Variants in PAK1 observed in about 807,000 individuals in gnomAD.
The protein encoded by PAK1 is p21 (RAC1) activated kinase 1, also known as serine/threonine-protein kinase PAK 1.
In PAK1, 29 loss-of-function variants were observed where a neutral mutation model predicts 67.4. The observed-to-expected ratio is 0.43, with a 90% CI of 0.32 to 0.59. PAK1 has a LOEUF of 0.59. PAK1 is among the 20% of genes least tolerant of loss of function. The pLI, the probability that PAK1 is intolerant of heterozygous loss-of-function variation, is 0.07. For missense variants in PAK1, 337 were observed against 670.7 expected (o/e 0.50, Z 5.50); for synonymous variants, 223 against 237.4 (o/e 0.94, Z 0.56).
rs1412401214 is a variant in PAK1, at chr11:77,322,305, GAACT to G, written c.*965_*968del. 3 of 195,710 alleles carry G rather than the reference GAACT, an allele frequency of 1.5e-5. No individual in the cohort carries two copies. The highest frequency in any genetic ancestry group is 3.2e-5 in the Non-Finnish European group (3 of 94,160). The allele number at this position is 195,710 out of a possible 1,614,324, so 12.1% of individuals were successfully genotyped here. ...CATGTCAGGCCACCAAATCCATCCA[GAACT>G]AACATGCAGTCTCTAATTTGGAGAC... On this transcript the variant is annotated 3_prime_UTR_variant, in exon 15 of 15. Transcript: ENST00000356341.
At chr11:77,494,162 T>C in the PAK1 span, among the ~76,000 whole-genome samples, 2 of 152,092 alleles carry the variant, frequency 1.3e-5, no homozygotes, top group East Asian at 3.9e-4. Flanking sequence ...CACAAATACA[T>C]GAAGTTCAAA....
chr11:77,526,509 T>G, the PAK1 span, among the ~76,000 whole-genome samples: 5 of 152,210 alleles, frequency 3.3e-5, no homozygotes, highest in African/African-American at 1.2e-4. Context: ...TAAAAAGATA[T>G]GTATTGTAAT....
At chr11:77,374,267 C>T (rs1370471210) in intron 5 of PAK1, 61 bp downstream of exon 5, 3 of 1,121,616 alleles carry the variant, frequency 2.7e-6, no homozygotes, top group African/African-American at 3.1e-5. Context: ...GCCTCTACCA[C>T]ACTGTCTTGA....
chr11:77,484,384 A>T, the PAK1 span, among the ~76,000 whole-genome samples: 1 of 152,172 alleles, frequency 6.6e-6, no homozygotes, highest in Admixed American at 6.6e-5. Context: ...ATTGTTCATT[A>T]AGCAATATAC....
intron 6 of PAK1, among the ~76,000 whole-genome samples, chr11:77,358,190 TCCTTCATTATGGAGCTCTCATCTTAGTA>T (rs779052134): frequency 6.6e-6 from 1 of 152,118 alleles, no homozygotes; most frequent in Non-Finnish European, 1.5e-5. Flanking sequence ...GCTAGATGGT[TCCTTCATTATGGAGCTCTCATCTTAGTA>T]AAAGACCTAA....
At position 77,385,095 on chromosome 11, in the gene PAK1, T is replaced by G. The variant is rs545633512; in HGVS notation, c.191-5101A>C. ...CTAATAAAAGGTAATTACCAAAAAC[T>G]GGAGCAAACATTATACTCAATTCTA... On this transcript the variant is annotated intron_variant, in intron 2 of 14. Transcript: ENST00000356341. Among the ~76,000 whole-genome samples, 8 of 152,298 alleles carry G rather than the reference T, an allele frequency of 5.3e-5. No individual in the cohort carries two copies. The South Asian group carries it at 1.7e-3, about 32-fold the overall frequency.
At chr11:77,389,732 C>A (rs1950895248) in intron 2 of PAK1, among the ~76,000 whole-genome samples, 1 of 152,092 alleles carries the variant, frequency 6.6e-6, no homozygotes, top group Non-Finnish European at 1.5e-5. Context: ...TGCAATAGTT[C>A]TTCTTCACAT....
chr11:77,327,432 T>C (rs2136010435), intron 14 of PAK1, among the ~76,000 whole-genome samples: 1 of 152,334 alleles, frequency 6.6e-6, no homozygotes, highest in East Asian at 1.9e-4. Flanking sequence ...TAAAAGCTGA[T>C]CTCTCAGCAG....
At chr11:77,349,167 CA>C in intron 9 of PAK1, 71 bp downstream of exon 9, 1 of 977,982 alleles carries the variant, frequency 1.0e-6, no homozygotes, top group Non-Finnish European at 1.6e-6. Flanking sequence ...GTTGACCTAA[CA>C]AGGGCTAAAA....
chr11:77,434,168 T>A (rs1955999202), intron 1 of PAK1, among the ~76,000 whole-genome samples: 1 of 152,072 alleles, frequency 6.6e-6, no homozygotes, highest in East Asian at 1.9e-4. Flanking sequence ...AAAATATATA[T>A]CTACACAAAA....
the PAK1 span, among the ~76,000 whole-genome samples, chr11:77,518,326 C>G: frequency 6.6e-6 from 1 of 152,104 alleles, no homozygotes; most frequent in Non-Finnish European, 1.5e-5. Context: ...GAAGTCAAAT[C>G]TAATGGGAAA....
At chr11:77,364,725 A>G (rs1367701557) in intron 5 of PAK1, among the ~76,000 whole-genome samples, 3 of 152,302 alleles carry the variant, frequency 2.0e-5, no homozygotes, top group South Asian at 4.1e-4. Flanking sequence ...AATGTCCCCA[A>G]ATGTTGGCTT....
At chr11:77,453,536 G>A (rs950922429) in intron 1 of PAK1, among the ~76,000 whole-genome samples, 1 of 151,220 alleles carries the variant, frequency 6.6e-6, no homozygotes, top group Non-Finnish European at 1.5e-5. Context: ...AAAAACAAGG[G>A]GGAAAAGGGC....
the PAK1 span, among the ~76,000 whole-genome samples, chr11:77,511,182 C>T: frequency 6.6e-6 from 1 of 152,096 alleles, no homozygotes; most frequent in African/African-American, 2.4e-5. Context: ...GAGGAAGGAA[C>T]CTGACAGCTC....
chr11:77,522,313 G>A, the PAK1 span, among the ~76,000 whole-genome samples: 2 of 152,204 alleles, frequency 1.3e-5, no homozygotes, highest in African/African-American at 4.8e-5. Context: ...CCACAGGTTA[G>A]GAATCCTGCA....
chr11:77,454,188 C>A (rs112508207), intron 1 of PAK1, among the ~76,000 whole-genome samples: 2,781 of 152,286 alleles, frequency 0.018, 82 homozygotes, highest in African/African-American at 0.062. Flanking sequence ...ATATATTTGT[C>A]CATTTAATTG....
chr11:77,387,073 C>CT (rs34065292), intron 2 of PAK1, among the ~76,000 whole-genome samples: 8,117 of 126,780 alleles, frequency 0.064, 841 homozygotes, highest in African/African-American at 0.2. Context: ...CACGCCCAGC[C>CT]TTTTTTTTTT....
chr11:77,349,505 G>C, intron 8 of PAK1: 1 of 552,148 alleles, frequency 1.8e-6, no homozygotes, highest in Non-Finnish European at 3.3e-6. Context: ...TTCCAACCTG[G>C]TACTTCTACC....
At chr11:77,491,592 T>C in the PAK1 span, among the ~76,000 whole-genome samples, 1 of 152,200 alleles carries the variant, frequency 6.6e-6, no homozygotes, top group Non-Finnish European at 1.5e-5. Flanking sequence ...CTTTGCTTGT[T>C]AGTTTATGCA....
Sources: allele counts gnomAD v4.1 joint callset (sites outside exome capture counted in the v4.1 genomes callset), GRCh38; gene constraint gnomAD v4.1.1; transcripts MANE v1.5; gene names NCBI Gene and HGNC (gene_info 2026-07-23, HGNC 2026-07-21).